The following HORMAD2 variants were observed in gnomAD, a reference collection of about 807,000 sequenced individuals.
The protein encoded by HORMAD2 is HORMA domain containing 2.
In HORMAD2, 45 loss-of-function variants were observed where a neutral mutation model predicts 38.8. The observed-to-expected ratio is 1.16, with a 90% CI of 0.91 to 1.49. HORMAD2 has a LOEUF of 1.49. HORMAD2 is among the 40% of genes most tolerant of loss of function. HORMAD2 has a pLI of 0.00. For missense variants in HORMAD2, 338 were observed against 367.0 expected, an observed-to-expected ratio of 0.92 and a Z score of 0.65; for synonymous variants, 126 against 122.8, an observed-to-expected ratio of 1.03 and a Z score of -0.17.
At chr22:30,109,980 A>T (rs1306368383) in intron 5 of HORMAD2, among the ~76,000 whole-genome samples, 4 of 152,196 alleles carry the variant, frequency 2.6e-5, no homozygotes, top group African/African-American at 9.7e-5. Flanking sequence ...TGAATGAGTG[A>T]ATAGTTAGTA....
At chr22:30,147,819 G>A (rs996346596) in intron 10 of HORMAD2, among the ~76,000 whole-genome samples, 2 of 152,146 alleles carry the variant, frequency 1.3e-5, no homozygotes, top group African/African-American at 4.8e-5. Flanking sequence ...AGGAAAATAT[G>A]TATTAATGGG....
chr22:30,115,653 G>C (rs1421085895), intron 7 of HORMAD2, among the ~76,000 whole-genome samples: 2 of 152,152 alleles, frequency 1.3e-5, no homozygotes, highest in Non-Finnish European at 2.9e-5. Flanking sequence ...CAAGATCCCT[G>C]CTCTCTAGAA....
intron 10 of HORMAD2, among the ~76,000 whole-genome samples, chr22:30,174,419 A>G (rs193116671): frequency 5.8e-4 from 89 of 152,304 alleles, no homozygotes; most frequent in African/African-American, 1.9e-3. Flanking sequence ...GTCTATGTTA[A>G]GAAGTGTCCC....
At chr22:30,091,536 G>T (rs2068686928) in intron 1 of HORMAD2, among the ~76,000 whole-genome samples, 1 of 152,038 alleles carries the variant, frequency 6.6e-6, no homozygotes, top group Non-Finnish European at 1.5e-5. Context: ...AAAGTGCTGG[G>T]ATTACAGACA....
intron 10 of HORMAD2, among the ~76,000 whole-genome samples, chr22:30,132,550 A>T (rs933297996): frequency 6.6e-6 from 1 of 151,882 alleles, no homozygotes; most frequent in African/African-American, 2.4e-5. Flanking sequence ...AAAAAAAAAA[A>T]AACAAAACCA....
chr22:30,130,999 T>C (rs1291640915), intron 10 of HORMAD2, among the ~76,000 whole-genome samples: 2 of 152,098 alleles, frequency 1.3e-5, no homozygotes, highest in African/African-American at 4.8e-5. Flanking sequence ...TGTTTTTTTT[T>C]CCCTGTCATA....
chr22:30,109,657 A>C (rs16988303), intron 5 of HORMAD2, among the ~76,000 whole-genome samples: 11,488 of 152,126 alleles, frequency 0.076, 502 homozygotes, highest in Non-Finnish European at 0.085. Context: ...AAAAACAATT[A>C]TCATTGGCTT....
the HORMAD2 span, among the ~76,000 whole-genome samples, chr22:30,189,275 C>G: frequency 1.3e-5 from 2 of 151,952 alleles, no homozygotes; most frequent in African/African-American, 4.8e-5. Context: ...CAACCAACAG[C>G]CTATTAGCTG....
intron 8 of HORMAD2, among the ~76,000 whole-genome samples, chr22:30,120,020 C>T (rs1381344486): frequency 6.6e-6 from 1 of 152,142 alleles, no homozygotes; most frequent in Non-Finnish European, 1.5e-5. Context: ...TTTTCATACA[C>T]GTTTTCTCAC....
At chr22:30,109,340 T>C (rs936361385) in intron 5 of HORMAD2, among the ~76,000 whole-genome samples, 2 of 150,334 alleles carry the variant, frequency 1.3e-5, no homozygotes, top group African/African-American at 2.5e-5. Context: ...TTCTTTCTTA[T>C]AGGGTTTCAC....
At chr22:30,184,276 T>A in the HORMAD2 span, among the ~76,000 whole-genome samples, 2 of 152,204 alleles carry the variant, frequency 1.3e-5, no homozygotes, top group Non-Finnish European at 2.9e-5. Flanking sequence ...ATGAAATGAC[T>A]CTCTAGCTGA....
chr22:30,180,722 G>A (rs1324331592), downstream of HORMAD2, among the ~76,000 whole-genome samples: 1 of 152,020 alleles, frequency 6.6e-6, no homozygotes, highest in Middle Eastern at 3.2e-3. Context: ...CTCTTAGCGT[G>A]TCCACTTTGT....
intron 10 of HORMAD2, among the ~76,000 whole-genome samples, chr22:30,167,489 A>T (rs1323260128): frequency 6.6e-6 from 1 of 152,176 alleles, no homozygotes; most frequent in Non-Finnish European, 1.5e-5. Context: ...TGACTTGCAC[A>T]TGTGAGAGGT....
At chr22:30,107,568 G>A (rs1402872625) in intron 5 of HORMAD2, among the ~76,000 whole-genome samples, 1 of 151,882 alleles carries the variant, frequency 6.6e-6, no homozygotes, top group African/African-American at 2.4e-5. Flanking sequence ...GGGCAACATG[G>A]TGACACCCTG....
upstream of HORMAD2, among the ~76,000 whole-genome samples, chr22:30,077,917 A>T (rs1396942944): frequency 6.6e-6 from 1 of 152,216 alleles, no homozygotes; most frequent in East Asian, 1.9e-4. Context: ...GGAACAGTTA[A>T]TTCAGGTATC....
At chr22:30,202,780 C>A in the HORMAD2 span, among the ~76,000 whole-genome samples, 2 of 152,292 alleles carry the variant, frequency 1.3e-5, no homozygotes, top group African/African-American at 4.8e-5. Context: ...GAAAGCAAAG[C>A]GAGAAGCTCT....
At chr22:30,182,719 A>T in the HORMAD2 span, among the ~76,000 whole-genome samples, 4 of 152,230 alleles carry the variant, frequency 2.6e-5, no homozygotes, top group Non-Finnish European at 4.4e-5. Flanking sequence ...TGAGCCCAAG[A>T]GTTTGAGACC....
At chr22:30,154,587 A>C (rs1924952620) in intron 10 of HORMAD2, among the ~76,000 whole-genome samples, 1 of 152,224 alleles carries the variant, frequency 6.6e-6, no homozygotes, top group Non-Finnish European at 1.5e-5. Flanking sequence ...CCAGGTTAGA[A>C]TCATGTGTTG....
downstream of HORMAD2, among the ~76,000 whole-genome samples, chr22:30,177,691 A>T (rs1470916937): frequency 6.9e-6 from 1 of 145,622 alleles, no homozygotes; most frequent in Non-Finnish European, 1.5e-5. Context: ...TAAAGGCTAT[A>T]GGAGATCAAT....
Sources: allele counts gnomAD v4.1 joint callset (sites outside exome capture counted in the v4.1 genomes callset), GRCh38; gene constraint gnomAD v4.1.1; transcripts MANE v1.5; gene names NCBI Gene and HGNC (gene_info 2026-07-23, HGNC 2026-07-21).